MYH11: variants seen among roughly 807,000 people sequenced by gnomAD.
MYH11 encodes myosin-11.
Under a neutral mutation model 246.6 loss-of-function variants are expected in MYH11, and 80 were observed. That is an observed-to-expected ratio of 0.32 (90% confidence interval 0.27 to 0.39). The LOEUF (loss-of-function observed/expected upper bound fraction) is 0.39, where lower values mean the gene tolerates loss of function less well. Among genes scored for constraint, MYH11 ranks in the 10% least tolerant of loss-of-function variants. MYH11 has a pLI of 1.00. For synonymous variants in MYH11, 1,071 were observed against 1,015.5 expected (o/e 1.05, Z -1.04); for missense variants, 2,158 against 2,546.8 (o/e 0.85, Z 3.29).
intron 14 of MYH11, among the ~76,000 whole-genome samples, chr16:15,754,583 G>A (rs1366873506): frequency 2.0e-5 from 3 of 152,202 alleles, no homozygotes; most frequent in African/African-American, 7.2e-5. Flanking sequence ...CTTGAATATA[G>A]GCTAGGAGTT....
chr16:15,772,372 G>A (rs1215864951), intron 8 of MYH11, among the ~76,000 whole-genome samples: 2 of 152,024 alleles, frequency 1.3e-5, no homozygotes, highest in African/African-American at 4.8e-5. Flanking sequence ...GATTACAGAC[G>A]TGAGCCACCG....
chr16:15,742,063 TG>T, intron 20 of MYH11, 172 bp from the exon 21 acceptor site: 1 of 959,004 alleles, frequency 1.0e-6, no homozygotes, highest in Non-Finnish European at 1.6e-6. Context: ...GGGGTGCCTC[TG>T]GCATCCAGTG....
chr16:15,840,043 G>A (rs1156923970), intron 1 of MYH11, among the ~76,000 whole-genome samples: 1 of 151,872 alleles, frequency 6.6e-6, no homozygotes, highest in Non-Finnish European at 1.5e-5. Context: ...AGAGTGAGAC[G>A]CTGTCTCAAA....
chr16:15,784,875 C>T (rs2042432694), intron 5 of MYH11: 2 of 744,182 alleles, frequency 2.7e-6, no homozygotes, highest in South Asian at 1.7e-5. Flanking sequence ...TTTCTTTTCT[C>T]TCTGTTTAGC....
intron 1 of MYH11, among the ~76,000 whole-genome samples, chr16:15,856,187 T>TG (rs1034281699): frequency 6.0e-5 from 9 of 150,226 alleles, no homozygotes; most frequent in African/African-American, 2.2e-4. Flanking sequence ...CCTGGGTATC[T>TG]GGGGGCCCTT....
At chr16:15,725,707 G>C (rs1421121970) in intron 28 of MYH11, 1 of 398,730 alleles carries the variant, frequency 2.5e-6, no homozygotes, top group Non-Finnish European at 4.4e-6. Context: ...CTCGCCCCTT[G>C]GTCCCTGGCT....
intron 40 of MYH11, 133 bp from the exon 41 acceptor site, chr16:15,704,256 C>T: frequency 1.0e-6 from 1 of 969,084 alleles, no homozygotes; most frequent in Non-Finnish European, 1.6e-6. Flanking sequence ...AGAAAACACA[C>T]ACGGCACAAA....
intron 4 of MYH11, among the ~76,000 whole-genome samples, chr16:15,798,330 A>G (rs2042792721): frequency 6.6e-6 from 1 of 152,224 alleles, no homozygotes; most frequent in Admixed American, 6.5e-5. Context: ...CAATTAGATA[A>G]GATTCTGCAT....
intron 3 of MYH11, among the ~76,000 whole-genome samples, chr16:15,822,640 A>G (rs538785894): frequency 2.3e-4 from 35 of 152,290 alleles, no homozygotes; most frequent in African/African-American, 7.9e-4. Flanking sequence ...GCTTGAGCCC[A>G]GGAGGCGGAG....
intron 3 of MYH11, 131 bp from the exon 4 acceptor site, chr16:15,798,818 G>A (rs977078913): frequency 2.0e-6 from 2 of 994,590 alleles, no homozygotes; most frequent in African/African-American, 1.7e-5. Context: ...AGTGACAACA[G>A]GTCAGCTGGG....
At chr16:15,709,469 C>T (rs1167823826) in intron 40 of MYH11, among the ~76,000 whole-genome samples, 2 of 152,050 alleles carry the variant, frequency 1.3e-5, no homozygotes, top group African/African-American at 4.8e-5. Context: ...CATGCACCAC[C>T]GTGGCTGGCT....
At position 15,720,254 on chromosome 16, in the gene MYH11, G is replaced by A. The variant is rs767053316; in HGVS notation, c.4850C>T (p.Ala1617Val). The A allele has an allele frequency of 9.9e-6, 16 of 1,614,006 alleles. No individual in the cohort carries two copies. Among genetic ancestry groups the A allele is most frequent in the Non-Finnish European group, 1.3e-5 (15 of 1,180,018 alleles). ...DERKQRALAAAAKKKLEGDLK... is the reference protein window; with the variant it reads ...DERKQRALAAVAKKKLEGDLK... ...GTCCCCTTCCAGCTTCTTCTTTGCT[G>A]CAGCTGCCAGGGCACGTTGCTTTCG... Residue 1617 changes from alanine to valine, a missense_variant, in exon 34 of 41, where the codon GCA (alanine) becomes GTA (valine). Coordinates refer to ENST00000300036, the MANE Select transcript of MYH11 (RefSeq NM_002474.3).
Position 15,741,564 on chromosome 16 carries a change from G to T in MYH11, c.2758C>A (p.Leu920Met). ...RVRLAAKKQELEEILHEMEAR... is the reference protein window; with the variant it reads ...RVRLAAKKQEMEEILHEMEAR... Reference sequence around the variant, plus strand: ...TCCATCTCATGCAGTATCTCCTCCAGCTCCTGCTTCTTGGCCGCCAGCCGC... The same window carrying T: ...TCCATCTCATGCAGTATCTCCTCCATCTCCTGCTTCTTGGCCGCCAGCCGC... Residue 920 changes from leucine (L) to methionine (M), a missense_variant, in exon 22 of 41, where the codon CTG becomes ATG. Leu to Met is a conservative substitution (Grantham distance 15, BLOSUM62 2). This residue lies in a region of MYH11 where 284 missense variants were observed against 315.4 expected (regional missense o/e 0.90). Coordinates refer to ENST00000300036, the MANE Select transcript of MYH11 (RefSeq NM_002474.3). The T allele has an allele frequency of 1.9e-6, 3 of 1,611,406 alleles. No homozygotes were observed. The highest frequency in any genetic ancestry group is 2.5e-6 in the Non-Finnish European group (3 of 1,180,016).
At chr16:15,708,705 G>A in intron 40 of MYH11, 1 of 1,292,448 alleles carries the variant, frequency 7.7e-7, no homozygotes, top group Admixed American at 2.0e-5. Context: ...GTGGAAATGT[G>A]CAAGGGTTTA....
intron 3 of MYH11, among the ~76,000 whole-genome samples, chr16:15,812,292 G>T (rs565189836): frequency 6.6e-6 from 1 of 152,044 alleles, no homozygotes; most frequent in African/African-American, 2.4e-5. Flanking sequence ...TAGCTCTTGC[G>T]GCTAGCGTTG....
At chr16:15,758,086 C>T (rs560386324) in intron 12 of MYH11, 86 bp from the exon 13 acceptor site, 28 of 1,592,280 alleles carry the variant, frequency 1.8e-5, no homozygotes, top group Admixed American at 6.7e-5. Context: ...CACCCGACAG[C>T]GCCCCCATGG....
chr16:15,847,143 GT>G (rs2044211109), intron 1 of MYH11, among the ~76,000 whole-genome samples: 1 of 151,754 alleles, frequency 6.6e-6, no homozygotes, highest in Admixed American at 6.6e-5. Flanking sequence ...TGATATTCTT[GT>G]GCAATAATGA....
At chr16:15,781,738 T>G (rs35828378) in intron 6 of MYH11, among the ~76,000 whole-genome samples, 3,953 of 152,276 alleles carry the variant, frequency 0.026, 72 homozygotes, top group East Asian at 0.13. Context: ...GTTATTCAGT[T>G]GGAAGAACCA....
chr16:15,727,222 T>TG (rs1276556165), intron 27 of MYH11, among the ~76,000 whole-genome samples, 168 bp from the exon 28 acceptor site: 2 of 151,498 alleles, frequency 1.3e-5, no homozygotes, highest in East Asian at 3.9e-4. Flanking sequence ...TTTTTTGAGA[T>TG]GGAGTCTTAA....
Sources: gnomAD v4.1 joint callset for allele counts (sites outside exome capture counted in the v4.1 genomes callset) on GRCh38, gnomAD v4.1.1 for gene constraint, gnomAD v4.1.1 regional missense constraint, MANE v1.5 for transcripts, NCBI Gene and HGNC (gene_info 2026-07-23, HGNC 2026-07-21) for gene names.